ST8SIA4: variants seen among roughly 807,000 people sequenced by gnomAD.
The protein encoded by ST8SIA4 is ST8 alpha-N-acetyl-neuraminide alpha-2,8-sialyltransferase 4, also known as CMP-N-acetylneuraminate-poly-alpha-2,8-sialyltransferase.
In ST8SIA4, 15 loss-of-function variants were observed where a neutral mutation model predicts 33.9. The ratio of observed to expected loss-of-function variants is 0.44; its 90% confidence interval spans 0.30 to 0.68. ST8SIA4 has a LOEUF of 0.68. ST8SIA4 is among the 30% of genes least tolerant of loss of function. The probability of loss-of-function intolerance (pLI) is 0.10; values close to 1 mark genes in which losing one functional copy is unlikely to be tolerated. For synonymous variants in ST8SIA4, 171 were observed against 151.2 expected (o/e 1.13, Z -0.96); for missense variants, 321 against 428.0 (o/e 0.75, Z 2.21).
At chr5:100,839,245 T>G (rs1447364318) in intron 4 of ST8SIA4, among the ~76,000 whole-genome samples, 2 of 152,042 alleles carry the variant, frequency 1.3e-5, no homozygotes, top group Non-Finnish European at 2.9e-5. Flanking sequence ...GTTTCATATC[T>G]TGTTTCAAAT....
At chr5:100,842,460 T>C (rs1014730355) in intron 4 of ST8SIA4, among the ~76,000 whole-genome samples, 1 of 151,810 alleles carries the variant, frequency 6.6e-6, no homozygotes, top group South Asian at 2.1e-4. Context: ...AAAACAAAAG[T>C]TGACTATTAA....
intron 3 of ST8SIA4, among the ~76,000 whole-genome samples, chr5:100,876,592 A>G (rs1275303076): frequency 6.6e-6 from 1 of 152,066 alleles, no homozygotes; most frequent in African/African-American, 2.4e-5. Context: ...TCTTTGAAAC[A>G]TGGTATTTGC....
rs191875702 is a variant in ST8SIA4 at position 100,880,043 on chromosome 5, C to T, written c.503+6300G>A. 7.2e-5 allele frequency among the ~76,000 whole-genome samples: 11 copies of T among 152,158 alleles called. No individual in the cohort carries two copies. In the East Asian group the frequency reaches 1.5e-3, roughly 21 times the overall value. On this transcript the variant is annotated intron_variant, in intron 3 of 4. Coordinates refer to ENST00000231461, the MANE Select transcript of ST8SIA4 (RefSeq NM_005668.6). The stretch of plus-strand genomic sequence containing the variant: ...CATTCATGCAAGGTGGGATGGATGA[C>T]GGAAGACCATGATAGAACACTTTTC...
chr5:100,826,227 G>A (rs1751140670), intron 4 of ST8SIA4, among the ~76,000 whole-genome samples: 1 of 151,988 alleles, frequency 6.6e-6, no homozygotes, highest in Non-Finnish European at 1.5e-5. Context: ...CACACACCCT[G>A]GCCAGTTCCC....
At position 100,886,539 on chromosome 5, in the gene ST8SIA4, T is replaced by G. The variant is rs1232664220; in HGVS notation, c.307A>C (p.Lys103Gln). ...ACATAGTGTATGACATCACCAGGCTTAAAACTGCTCTTGACCACTGACACA... is the reference window on the plus strand; with the variant it reads ...ACATAGTGTATGACATCACCAGGCTGAAAACTGCTCTTGACCACTGACACA... ...RDVSVVKSSF[K>Q]PGDVIHYVLD... Residue 103 changes from lysine to glutamine, a missense_variant, in exon 3 of 5, where the codon AAG becomes CAG. Coordinates refer to ENST00000231461, the MANE Select transcript of ST8SIA4 (RefSeq NM_005668.6). The G allele has an allele frequency of 5.0e-6, 8 of 1,613,778 alleles. No individual in the cohort carries two copies. Among genetic ancestry groups the G allele is most frequent in the Non-Finnish European group, 6.8e-6 (8 of 1,179,788 alleles).
rs1019273103 is a variant in ST8SIA4, at chr5:100,811,657, C to A, written c.*190G>T. On this transcript the variant is annotated 3_prime_UTR_variant, in exon 5 of 5. Transcript: ENST00000231461. ...TGGCACTTACTAGGACCCTTAAAGT[C>A]AAAATATTTAATTTTTAGAGCACTT... The A allele has an allele frequency of 1.2e-5, 7 of 598,616 alleles. No homozygotes were observed. The highest frequency in any genetic ancestry group is 2.0e-5 in the Non-Finnish European group (7 of 348,900). 37.1% of individuals were successfully genotyped at this position (598,616 alleles called of 1,614,324 possible).
intron 4 of ST8SIA4, among the ~76,000 whole-genome samples, chr5:100,816,908 T>G (rs1319744735): frequency 6.6e-6 from 1 of 151,724 alleles, no homozygotes; most frequent in East Asian, 1.9e-4. Context: ...CTGCAGTAAT[T>G]TGAGATATTA....
intron 1 of ST8SIA4, among the ~76,000 whole-genome samples, chr5:100,896,942 TG>T (rs1425793381): frequency 6.6e-6 from 1 of 152,194 alleles, no homozygotes; most frequent in African/African-American, 2.4e-5. Flanking sequence ...ATGACTTGCT[TG>T]AGTTCCTAGA....
At chr5:100,876,897 T>C (rs1034832541) in intron 3 of ST8SIA4, among the ~76,000 whole-genome samples, 8 of 152,088 alleles carry the variant, frequency 5.3e-5, no homozygotes, top group Non-Finnish European at 1.0e-4. Context: ...CATGTAATGA[T>C]ATTGACCAGG....
intron 4 of ST8SIA4, among the ~76,000 whole-genome samples, chr5:100,839,845 C>G (rs1375348447): frequency 6.6e-6 from 1 of 151,806 alleles, no homozygotes; most frequent in Non-Finnish European, 1.5e-5. Context: ...ATCAGCAACT[C>G]TAACTGTGCC....
chr5:100,844,189 C>A (rs765567246), intron 4 of ST8SIA4, among the ~76,000 whole-genome samples: 1 of 151,864 alleles, frequency 6.6e-6, no homozygotes, highest in Non-Finnish European at 1.5e-5. Flanking sequence ...CAGGTGACAG[C>A]CCCAGCATAA....
intron 3 of ST8SIA4, among the ~76,000 whole-genome samples, chr5:100,883,728 C>T (rs1752477886): frequency 6.6e-6 from 1 of 152,154 alleles, no homozygotes; most frequent in South Asian, 2.1e-4. Context: ...CTTACGAGAT[C>T]TGATGGTTTT....
At chr5:100,849,562 A>G in intron 4 of ST8SIA4, 1 of 588,210 alleles carries the variant, frequency 1.7e-6, no homozygotes, top group Non-Finnish European at 2.1e-6. Flanking sequence ...CGGATGGATC[A>G]CCTGAGGTTG....
intron 4 of ST8SIA4, among the ~76,000 whole-genome samples, chr5:100,839,746 G>T (rs986185086): frequency 6.6e-6 from 1 of 151,722 alleles, no homozygotes; most frequent in Non-Finnish European, 1.5e-5. Flanking sequence ...ACATCAAAAA[G>T]AAATGATAAA....
chr5:100,863,754 T>C (rs1378649582), intron 3 of ST8SIA4, among the ~76,000 whole-genome samples: 2 of 152,212 alleles, frequency 1.3e-5, no homozygotes, highest in African/African-American at 4.8e-5. Flanking sequence ...ATATCTTTAA[T>C]TTATTTAAAT....
At chr5:100,879,076 C>A (rs1168393637) in intron 3 of ST8SIA4, among the ~76,000 whole-genome samples, 1 of 152,130 alleles carries the variant, frequency 6.6e-6, no homozygotes, top group Admixed American at 6.6e-5. Flanking sequence ...TAGAACAAAT[C>A]AAAAATGATC....
At chr5:100,854,464 T>G (rs1307152274) in intron 4 of ST8SIA4, among the ~76,000 whole-genome samples, 2 of 151,994 alleles carry the variant, frequency 1.3e-5, no homozygotes, top group African/African-American at 2.4e-5. Context: ...GCACCTGTAG[T>G]CCCAGCTACT....
At chr5:100,870,090 T>C (rs1171239944) in intron 3 of ST8SIA4, among the ~76,000 whole-genome samples, 1 of 152,188 alleles carries the variant, frequency 6.6e-6, no homozygotes, top group East Asian at 1.9e-4. Flanking sequence ...AGTGAGAACA[T>C]GCGGAGTTTG....
At chr5:100,827,634 G>A (rs1328931980) in intron 4 of ST8SIA4, among the ~76,000 whole-genome samples, 1 of 152,194 alleles carries the variant, frequency 6.6e-6, no homozygotes, top group Non-Finnish European at 1.5e-5. Context: ...ATCTTGACAG[G>A]TCATATCCTG....
Sources: allele counts gnomAD v4.1 joint callset (sites outside exome capture counted in the v4.1 genomes callset), GRCh38; gene constraint gnomAD v4.1.1; transcripts MANE v1.5; gene names NCBI Gene and HGNC (gene_info 2026-07-23, HGNC 2026-07-21).